Variants in GAREM1 observed in about 807,000 individuals in gnomAD.
GAREM1 encodes GRB2-associated and regulator of MAPK protein 1.
In GAREM1, 26 loss-of-function variants were observed where a neutral mutation model predicts 71.3. That is an observed-to-expected ratio of 0.36 (90% CI 0.27 to 0.51). GAREM1 has a LOEUF of 0.51. Ranked by LOEUF, GAREM1 falls within the 20% of genes least tolerant of loss-of-function variation. The pLI, the probability that GAREM1 is intolerant of heterozygous loss-of-function variation, is 0.95. For missense variants in GAREM1, 1,026 were observed against 1,103.1 expected (o/e 0.93, Z 0.99); for synonymous variants, 440 against 433.2 (o/e 1.02, Z -0.20).
chr18:32,446,401 T>C (rs1035184653), intron 1 of GAREM1, among the ~76,000 whole-genome samples: 3 of 152,174 alleles, frequency 2.0e-5, no homozygotes, highest in African/African-American at 7.2e-5. Flanking sequence ...TTATCTCTAC[T>C]TCACCTATAA....
chr18:32,401,377 A>G (rs888309285), intron 1 of GAREM1, among the ~76,000 whole-genome samples: 1 of 152,122 alleles, frequency 6.6e-6, no homozygotes, highest in African/African-American at 2.4e-5. Flanking sequence ...AATAAAAAGA[A>G]GACAGATGTA....
At chr18:32,413,769 A>AG (rs1374661259) in intron 1 of GAREM1, among the ~76,000 whole-genome samples, 1 of 152,194 alleles carries the variant, frequency 6.6e-6, no homozygotes, top group Admixed American at 6.5e-5. Context: ...AAAGATAATG[A>AG]GGAAAAAAAA....
chr18:32,351,390 A>T (rs148790299), intron 2 of GAREM1, among the ~76,000 whole-genome samples: 72 of 152,322 alleles, frequency 4.7e-4, no homozygotes, highest in African/African-American at 1.6e-3. Context: ...AAGCAGGAGA[A>T]AAATAATTAC....
chr18:32,453,304 C>T (rs1173066280), intron 1 of GAREM1, among the ~76,000 whole-genome samples: 1 of 152,118 alleles, frequency 6.6e-6, no homozygotes, highest in Non-Finnish European at 1.5e-5. Context: ...ATTAGGAGAG[C>T]TACAATTCAA....
chr18:32,469,567 A>T (rs532644092), intron 1 of GAREM1, among the ~76,000 whole-genome samples: 1 of 152,348 alleles, frequency 6.6e-6, no homozygotes, highest in African/African-American at 2.4e-5. Flanking sequence ...CACACCGCAG[A>T]ATAAACAGTT....
At chr18:32,309,668 C>CAA (rs2047294711) in intron 3 of GAREM1, among the ~76,000 whole-genome samples, 1 of 116,002 alleles carries the variant, frequency 8.6e-6, no homozygotes, top group African/African-American at 3.3e-5. Flanking sequence ...TAGAGCACAA[C>CAA]AAACACTATA....
intron 2 of GAREM1, among the ~76,000 whole-genome samples, chr18:32,331,084 A>ACATCATGACATCT: frequency 6.6e-6 from 1 of 152,298 alleles, no homozygotes; most frequent in Non-Finnish European, 1.5e-5. Context: ...GACATCATAG[A>ACATCATGACATCT]TAATTATAGG....
At chr18:32,341,226 G>A (rs1352781354) in intron 2 of GAREM1, among the ~76,000 whole-genome samples, 2 of 152,158 alleles carry the variant, frequency 1.3e-5, no homozygotes, top group Admixed American at 6.5e-5. Context: ...AGAGCATGCA[G>A]TGTTTGGTTT....
At chr18:32,293,100 C>G (rs1236038041) in intron 3 of GAREM1, among the ~76,000 whole-genome samples, 1 of 151,978 alleles carries the variant, frequency 6.6e-6, no homozygotes, top group East Asian at 1.9e-4. Context: ...TGTACTAACT[C>G]ACACTTTTCA....
chr18:32,309,615 CAAAAAAAAAAAAAAAA>C (rs11370938), intron 3 of GAREM1, among the ~76,000 whole-genome samples: 1 of 13,864 alleles, frequency 7.2e-5, no homozygotes, highest in Non-Finnish European at 1.3e-4. Context: ...GACTCAGTCT[CAAAAAAAAAAAAAAAA>C]AAAAAAAAAA....
intron 2 of GAREM1, among the ~76,000 whole-genome samples, chr18:32,355,957 T>C (rs2047800918): frequency 6.6e-6 from 1 of 152,340 alleles, no homozygotes; most frequent in East Asian, 1.9e-4. Context: ...GCAACATTTT[T>C]CAACCACATT....
At chr18:32,396,153 C>T (rs1472094513) in intron 1 of GAREM1, among the ~76,000 whole-genome samples, 3 of 152,246 alleles carry the variant, frequency 2.0e-5, no homozygotes, top group South Asian at 4.1e-4. Flanking sequence ...CACACCAAAA[C>T]GCCATCTGTA....
chr18:32,290,656 A>AG (rs1252639179), intron 3 of GAREM1, among the ~76,000 whole-genome samples: 8 of 152,008 alleles, frequency 5.3e-5, no homozygotes, highest in African/African-American at 1.7e-4. Context: ...AAAAAAAAAA[A>AG]AAAAGAAAAA....
At chr18:32,270,460 G>C in intron 4 of GAREM1, 77 bp from the exon 5 acceptor site, 1 of 1,284,750 alleles carries the variant, frequency 7.8e-7, no homozygotes, top group Non-Finnish European at 1.1e-6. Flanking sequence ...CTGAAGACTT[G>C]CTCAAGTCAC....
At chr18:32,310,435 G>A (rs1567959268) in intron 2 of GAREM1, 112 bp from the exon 3 acceptor site, 1 of 1,046,358 alleles carries the variant, frequency 9.6e-7, no homozygotes, top group Non-Finnish European at 1.4e-6. Flanking sequence ...AAAGATTCCT[G>A]TTCATCATTA....
chr18:32,457,226 A>AGAGAGTGTGTGT (rs1555648709), intron 1 of GAREM1, among the ~76,000 whole-genome samples: 28 of 81,988 alleles, frequency 3.4e-4, no homozygotes, highest in African/African-American at 1.1e-3. Context: ...AGAGAGAGAG[A>AGAGAGTGTGTGT]GTGTGTGTGT....
At chr18:32,353,702 T>A (rs926178055) in intron 2 of GAREM1, among the ~76,000 whole-genome samples, 1 of 152,224 alleles carries the variant, frequency 6.6e-6, no homozygotes, top group African/African-American at 2.4e-5. Context: ...ATTACAATCA[T>A]ACCACCACTG....
At chr18:32,461,512 C>T (rs532255179) in intron 1 of GAREM1, among the ~76,000 whole-genome samples, 14 of 152,000 alleles carry the variant, frequency 9.2e-5, no homozygotes, top group African/African-American at 3.1e-4. Flanking sequence ...TCTGGGCACA[C>T]AGCAAAACCC....
chr18:32,356,360 A>T (rs567883626), intron 2 of GAREM1, among the ~76,000 whole-genome samples: 2 of 152,186 alleles, frequency 1.3e-5, no homozygotes, highest in South Asian at 4.1e-4. Context: ...AATTATTCAC[A>T]TTTTACTGCT....
Sources: gnomAD v4.1 joint callset for allele counts (sites outside exome capture counted in the v4.1 genomes callset) on GRCh38, gnomAD v4.1.1 for gene constraint, MANE v1.5 for transcripts, NCBI Gene and HGNC (gene_info 2026-07-23, HGNC 2026-07-21) for gene names.